The following TRAK1 variants were observed in gnomAD, a reference collection of about 807,000 sequenced individuals.
TRAK1 encodes trafficking kinesin protein 1.
In TRAK1, 33 loss-of-function variants were observed where a neutral mutation model predicts 92.1. That is an observed-to-expected ratio of 0.36 (90% CI 0.27 to 0.48). TRAK1 has a LOEUF of 0.48. Among genes scored for constraint, TRAK1 ranks in the 20% least tolerant of loss-of-function variants. The probability of loss-of-function intolerance (pLI) is 0.99; values close to 1 mark genes in which losing one functional copy is unlikely to be tolerated. For synonymous variants in TRAK1, 521 were observed against 517.3 expected (o/e 1.01, Z -0.10); for missense variants, 1,123 against 1,257.9 (o/e 0.89, Z 1.62).
intron 1 of TRAK1, among the ~76,000 whole-genome samples, chr3:42,069,784 A>G (rs1703838448): frequency 6.6e-6 from 1 of 152,162 alleles, no homozygotes; most frequent in South Asian, 2.1e-4. Context: ...TAACAGTTAT[A>G]TAACTGCTGA....
At chr3:42,081,132 C>T (rs939310287) in intron 1 of TRAK1, among the ~76,000 whole-genome samples, 1 of 152,166 alleles carries the variant, frequency 6.6e-6, no homozygotes, top group Non-Finnish European at 1.5e-5. Context: ...CCGCCTGGGC[C>T]TCCCAAAGTG....
At position 42,200,656 on chromosome 3, in the gene TRAK1, G is replaced by A. The variant is rs1707393825; in HGVS notation, c.1191-162G>A. On this transcript the variant is annotated intron_variant, in intron 11 of 15. Transcript: ENST00000327628. ...CAAATTTCGCATTGTGAAGGAGGCA[G>A]CCAATACCCTAAGAAACAGGTGGCA... 2.0e-5 allele frequency among the ~76,000 whole-genome samples: 3 copies of A among 152,182 alleles called. No homozygotes were observed. In the South Asian group the frequency reaches 6.2e-4, roughly 32 times the overall value.
intron 1 of TRAK1, among the ~76,000 whole-genome samples, chr3:42,015,329 G>A (rs1701474617): frequency 6.6e-6 from 1 of 152,162 alleles, no homozygotes; most frequent in Non-Finnish European, 1.5e-5. Context: ...CTGCGAGTTT[G>A]GCAACAGTTG....
intron 2 of TRAK1, among the ~76,000 whole-genome samples, chr3:42,135,060 A>G (rs1697773840): frequency 6.6e-6 from 1 of 152,188 alleles, no homozygotes; most frequent in Admixed American, 6.5e-5. Context: ...GGCCATGGCA[A>G]GTGCAGGCTT....
intron 1 of TRAK1, among the ~76,000 whole-genome samples, chr3:42,102,478 T>C (rs1001628232): frequency 1.3e-5 from 2 of 152,258 alleles, no homozygotes; most frequent in African/African-American, 4.8e-5. Flanking sequence ...GGTATGGTAC[T>C]GATGCTGGAT....
upstream of TRAK1, among the ~76,000 whole-genome samples, chr3:42,084,934 C>T (rs777718265): frequency 2.0e-5 from 3 of 151,996 alleles, no homozygotes; most frequent in African/African-American, 4.8e-5. Context: ...CCCATCCTTC[C>T]CATTTTCATA....
At chr3:42,060,254 A>G (rs967954255) in intron 1 of TRAK1, among the ~76,000 whole-genome samples, 4 of 151,944 alleles carry the variant, frequency 2.6e-5, no homozygotes, top group Middle Eastern at 3.2e-3. Context: ...TCTAAGAAGA[A>G]AAATAAAGGA....
At chr3:42,075,218 A>G (rs916109216) in intron 1 of TRAK1, among the ~76,000 whole-genome samples, 1 of 151,898 alleles carries the variant, frequency 6.6e-6, no homozygotes, top group Non-Finnish European at 1.5e-5. Context: ...GCTCACGCCT[A>G]TAATCCCAGC....
At chr3:42,088,101 C>T (rs566076512), upstream of TRAK1, among the ~76,000 whole-genome samples, 35 of 152,212 alleles carry the variant, frequency 2.3e-4, no homozygotes, top group Non-Finnish European at 3.4e-4. Flanking sequence ...CAGTTGCATT[C>T]ATATAGAAGT....
intron 2 of TRAK1, among the ~76,000 whole-genome samples, chr3:42,132,499 A>T (rs1697346352): frequency 6.6e-6 from 1 of 152,094 alleles, no homozygotes; most frequent in South Asian, 2.1e-4. Context: ...TCCTTGGCTC[A>T]AGCATTCCTC....
intron 2 of TRAK1, among the ~76,000 whole-genome samples, chr3:42,129,518 C>A (rs1231631871): frequency 6.6e-6 from 1 of 152,160 alleles, no homozygotes; most frequent in Non-Finnish European, 1.5e-5. Context: ...GGGCATCCAC[C>A]TTTGCCAGGT....
chr3:42,106,606 ACT>A (rs1403978439), intron 1 of TRAK1, among the ~76,000 whole-genome samples: 1 of 152,198 alleles, frequency 6.6e-6, no homozygotes, highest in African/African-American at 2.4e-5. Context: ...CTGAATAATT[ACT>A]TTTTAAAATT....
chr3:42,136,634 A>AAAGT (rs1697987582), intron 2 of TRAK1, among the ~76,000 whole-genome samples: 3 of 148,948 alleles, frequency 2.0e-5, no homozygotes, highest in Admixed American at 6.6e-5. Context: ...ATACAAAAGA[A>AAAGT]AAATAAATAA....
intron 1 of TRAK1, among the ~76,000 whole-genome samples, chr3:42,108,492 T>TAAA (rs10578367): frequency 8.3e-5 from 10 of 120,234 alleles, no homozygotes; most frequent in East Asian, 5.0e-4. Context: ...ACCCTGCCTT[T>TAAA]AAAAAAAAAA....
intron 2 of TRAK1, among the ~76,000 whole-genome samples, chr3:42,175,300 A>C (rs1012899283): frequency 6.6e-6 from 1 of 152,132 alleles, no homozygotes. Context: ...CGTGAAGAAG[A>C]CTAACTCGGG....
chr3:42,193,241 T>C, intron 8 of TRAK1, 36 bp downstream of exon 8: 14 of 1,609,270 alleles, frequency 8.7e-6, no homozygotes, highest in Non-Finnish European at 1.2e-5. Flanking sequence ...GATACAACAA[T>C]GGCCATGCTG....
intron 2 of TRAK1, among the ~76,000 whole-genome samples, chr3:42,139,818 C>A (rs1375286914): frequency 6.6e-6 from 1 of 152,202 alleles, no homozygotes; most frequent in Admixed American, 6.5e-5. Context: ...TCAGCTCACA[C>A]TCCACCTCCC....
At chr3:42,015,987 A>C (rs1324834911) in intron 1 of TRAK1, among the ~76,000 whole-genome samples, 1 of 152,160 alleles carries the variant, frequency 6.6e-6, no homozygotes, top group East Asian at 1.9e-4. Context: ...CATTGAGCCA[A>C]GATCCCGCCA....
At chr3:42,029,192 C>T (rs540035042) in intron 1 of TRAK1, among the ~76,000 whole-genome samples, 3 of 152,306 alleles carry the variant, frequency 2.0e-5, no homozygotes, top group African/African-American at 4.8e-5. Flanking sequence ...CCACCAGGCC[C>T]CACCTCCAGC....
Sources: gnomAD v4.1 joint callset for allele counts (sites outside exome capture counted in the v4.1 genomes callset) on GRCh38, gnomAD v4.1.1 for gene constraint, MANE v1.5 for transcripts, NCBI Gene and HGNC (gene_info 2026-07-23, HGNC 2026-07-21) for gene names.